The following MMS19 variants were observed in gnomAD, a reference collection of about 807,000 sequenced individuals.
MMS19 encodes MMS19 cytosolic iron-sulfur assembly component, also known as MMS19 nucleotide excision repair protein homolog.
MMS19 carries 77 observed loss-of-function variants against 129.8 expected under a neutral mutation model. The observed-to-expected ratio is 0.59, with a 90% CI of 0.49 to 0.72. MMS19 has a LOEUF of 0.72. MMS19 is among the 30% of genes least tolerant of loss of function. MMS19 has a pLI of 0.00. For synonymous variants in MMS19, 491 were observed against 502.8 expected, an observed-to-expected ratio of 0.98 and a Z score of 0.31; for missense variants, 1,168 against 1,266.3, an observed-to-expected ratio of 0.92 and a Z score of 1.18.
At chr10:97,492,193 G>T (rs1279921279) in intron 1 of MMS19, among the ~76,000 whole-genome samples, 1 of 150,268 alleles carries the variant, frequency 6.7e-6, no homozygotes, top group African/African-American at 2.5e-5. Context: ...AAATGAGGCC[G>T]GGCGCGGTGG....
At position 97,469,039 on chromosome 10, in the gene MMS19, C is replaced by T. The variant is rs571546127; in HGVS notation, c.990G>A (p.Ala330=). The change falls in exon 12 of 31, where the codon GCG becomes GCA. Residue 330 remains alanine (A), a synonymous_variant. Coordinates refer to ENST00000438925, the MANE Select transcript of MMS19 (RefSeq NM_022362.5). ...EGLAALHSLT[A]CLSRSVLRAD... ...CCCTCAGCACAGAGCGAGACAAACA[C>T]GCAGTCAGGGAGTGGAGGGCCGCCA... The T allele has an allele frequency of 1.8e-5, 28 of 1,585,682 alleles. No individual in the cohort carries two copies. The highest frequency in any genetic ancestry group is 2.7e-5 in the African/African-American group (2 of 74,446).
intron 16 of MMS19, 39 bp downstream of exon 16, chr10:97,466,465 G>A (rs1326883299): frequency 2.7e-6 from 4 of 1,483,370 alleles, no homozygotes; most frequent in Non-Finnish European, 3.8e-6. Flanking sequence ...TACAGAGGCA[G>A]GGAACAGCTT....
intron 3 of MMS19, among the ~76,000 whole-genome samples, chr10:97,478,840 ATG>A (rs2036232629): frequency 1.3e-5 from 2 of 152,164 alleles, no homozygotes; most frequent in South Asian, 2.1e-4. Flanking sequence ...GTTTTTTTTA[ATG>A]TGTGACATAA....
intron 25 of MMS19, 79 bp from the exon 26 acceptor site, chr10:97,460,311 G>A: frequency 7.3e-7 from 1 of 1,363,722 alleles, no homozygotes; most frequent in South Asian, 1.3e-5. Flanking sequence ...GCCGGGTGTG[G>A]TGGCTCATGC....
In MMS19 at chr10:97,476,200, CTTTGT is replaced by C. The variant is rs774277755; in HGVS notation, c.684+478_684+482del. Among the ~76,000 whole-genome samples, 5 of 152,296 alleles carry C rather than the reference CTTTGT, an allele frequency of 3.3e-5. No individual in the cohort carries two copies. In the East Asian group the frequency reaches 5.8e-4, roughly 18 times the overall value. On this transcript the variant is annotated intron_variant, in intron 8 of 30. Transcript: ENST00000438925. The stretch of plus-strand genomic sequence containing the variant: ...TGTACACTGTGCACAATTGTGCCTT[CTTTGT>C]TTTGTCACTTTGTTTCTATAGCCTG...
rs2040204472 is a variant in MMS19, at chr10:97,498,361, C to T, written c.24G>A (p.Glu8=). 1.3e-6 allele frequency: 2 copies of T among 1,575,106 alleles called. No homozygotes were observed. The highest frequency in any genetic ancestry group is 2.3e-5 in the East Asian group (1 of 43,104). The change falls in exon 1 of 31, where the codon GAG becomes GAA. Residue 8 remains glutamate, a synonymous_variant. Coordinates refer to ENST00000438925, the MANE Select transcript of MMS19 (RefSeq NM_022362.5). MAAAAAV[E]AAAPMGALWG... The stretch of plus-strand genomic sequence containing the variant: ...ATAGGGCACCCATAGGCGCCGCCGC[C>T]TCCACAGCCGCGGCAGCGGCCATAA...
chr10:97,473,794 G>T (rs750268076), intron 8 of MMS19, among the ~76,000 whole-genome samples: 64 of 152,084 alleles, frequency 4.2e-4, no homozygotes, highest in Non-Finnish European at 7.5e-4. Context: ...TTTTTGTGCA[G>T]TAACAGCAGA....
intron 1 of MMS19, among the ~76,000 whole-genome samples, chr10:97,484,822 C>G (rs1395713820): frequency 6.6e-6 from 1 of 152,124 alleles, no homozygotes; most frequent in Admixed American, 6.5e-5. Flanking sequence ...AAGGCTGAGG[C>G]AGGAGAATCA....
At chr10:97,479,353 T>A (rs939075216) in intron 3 of MMS19, among the ~76,000 whole-genome samples, 1 of 152,088 alleles carries the variant, frequency 6.6e-6, no homozygotes, top group Admixed American at 6.5e-5. Flanking sequence ...GAACCTCACA[T>A]TGACACGCCA....
chr10:97,470,903 G>A, intron 8 of MMS19, 42 bp from the exon 9 acceptor site: 1 of 1,565,444 alleles, frequency 6.4e-7, no homozygotes, highest in Non-Finnish European at 8.8e-7. Flanking sequence ...TAACATTTCA[G>A]ACCACCTTGA....
In MMS19 at chr10:97,498,415, T is replaced by C. The variant is rs747082338; in HGVS notation, c.-31A>G. 5.7e-6 allele frequency: 9 copies of C among 1,572,728 alleles called. No homozygotes were observed. Among genetic ancestry groups the C allele is most frequent in the East Asian group, 4.7e-5 (2 of 42,956 alleles). ...GAACTAGAGACCGTGGGAGGGGATA[T>C]GGGCGGTGGCTCGAGACGGGCTCTC... On this transcript the variant is annotated 5_prime_UTR_variant, in exon 1 of 31. Coordinates refer to ENST00000438925, the MANE Select transcript of MMS19 (RefSeq NM_022362.5).
At chr10:97,497,928 G>T (rs29001249) in intron 1 of MMS19, among the ~76,000 whole-genome samples, 26 of 152,288 alleles carry the variant, frequency 1.7e-4, no homozygotes, top group Non-Finnish European at 3.5e-4. Flanking sequence ...GTGAGCACCC[G>T]GTTCGGACCT....
Position 97,470,804 on chromosome 10 carries a change from C to A in MMS19, c.742G>T (p.Val248Leu). Residue 248 changes from valine to leucine, a missense_variant, in exon 9 of 31, where the codon GTG (valine) becomes TTG (leucine). Coordinates refer to ENST00000438925, the MANE Select transcript of MMS19 (RefSeq NM_022362.5). ...GCAAATCGTGGTGTAGAAGCCAGCA[C>A]AGCGCGAAGACTCAGGATGAGGTCT... ...REDLILSLRA[V>L]LASTPRFAEF... 1 of 1,613,694 alleles carries A rather than the reference C, an allele frequency of 6.2e-7. No individual in the cohort carries two copies. Among genetic ancestry groups the A allele is most frequent in the Admixed American group, 1.7e-5 (1 of 59,982 alleles).
intron 1 of MMS19, among the ~76,000 whole-genome samples, chr10:97,489,478 C>T (rs1366322194): frequency 6.6e-6 from 1 of 152,178 alleles, no homozygotes; most frequent in East Asian, 1.9e-4. Context: ...AGCCATCACT[C>T]GGTTTCTCTT....
At chr10:97,486,998 T>C (rs2038023347) in intron 1 of MMS19, among the ~76,000 whole-genome samples, 1 of 150,236 alleles carries the variant, frequency 6.7e-6, no homozygotes, top group African/African-American at 2.4e-5. Context: ...TTTAAAAGTG[T>C]ACACTTTCAA....
intron 1 of MMS19, 130 bp from the exon 2 acceptor site, chr10:97,484,281 G>A (rs1384419558): frequency 9.0e-6 from 5 of 552,534 alleles, no homozygotes; most frequent in African/African-American, 7.5e-5. Flanking sequence ...TTTGCCAAGA[G>A]CCCTCCTAGA....
intron 8 of MMS19, among the ~76,000 whole-genome samples, chr10:97,474,579 AC>A (rs890743829): frequency 1.3e-5 from 2 of 152,086 alleles, no homozygotes; most frequent in Admixed American, 6.6e-5. Flanking sequence ...AGAACCAACA[AC>A]AATAAAAACC....
chr10:97,477,911 G>A lies in MMS19; in HGVS notation c.367C>T (p.Pro123Ser), dbSNP rs145765259. The A allele has an allele frequency of 1.7e-5, 27 of 1,606,652 alleles. No individual in the cohort carries two copies. Among genetic ancestry groups the A allele is most frequent in the Non-Finnish European group, 1.8e-5 (21 of 1,177,158 alleles). Residue 123 changes from proline (P) to serine (S), a missense_variant, in exon 5 of 31, where the codon CCC (proline) becomes TCC (serine). Transcript: ENST00000438925. ...LKALSLCVAL[P>S]PGLAVSVLKA... is the part of the protein sequence containing the mutation. ...AGCACAGAAACAGCCAGCCCTGGGG[G>A]CAGGGCCACACACAGGCTCTGGGGG... is the stretch of plus-strand genomic sequence containing the variant.
intron 10 of MMS19, 57 bp from the exon 11 acceptor site, chr10:97,469,780 C>A: frequency 6.8e-7 from 1 of 1,479,554 alleles, no homozygotes; most frequent in Admixed American, 1.7e-5. Flanking sequence ...CTAGGATGTG[C>A]AGGTACCTCA....
Sources: gnomAD v4.1 joint callset for allele counts (sites outside exome capture counted in the v4.1 genomes callset) on GRCh38, gnomAD v4.1.1 for gene constraint, MANE v1.5 for transcripts, NCBI Gene and HGNC (gene_info 2026-07-23, HGNC 2026-07-21) for gene names.